Variants in ELK3 observed in about 807,000 individuals in gnomAD.
ELK3 encodes the protein ETS transcription factor ELK3.
A neutral mutation model predicts 28.9 loss-of-function variants in ELK3; 10 were observed. That is an observed-to-expected ratio of 0.35 (90% CI 0.21 to 0.59). The LOEUF (loss-of-function observed/expected upper bound fraction) is 0.59, where lower values mean the gene tolerates loss of function less well. ELK3 is among the 20% of genes least tolerant of loss of function. The pLI, the probability that ELK3 is intolerant of heterozygous loss-of-function variation, is 0.82. For synonymous variants in ELK3, 272 were observed against 243.5 expected (o/e 1.12, Z -1.09); for missense variants, 463 against 517.3 (o/e 0.90, Z 1.02).
At chr12:96,233,942 G>C (rs546266841) in intron 2 of ELK3, among the ~76,000 whole-genome samples, 1 of 152,368 alleles carries the variant, frequency 6.6e-6, no homozygotes, top group South Asian at 2.1e-4. Flanking sequence ...CAGATGGTTG[G>C]AAGCATAACA....
chr12:96,262,289 G>A (rs112617578), intron 4 of ELK3, among the ~76,000 whole-genome samples: 30 of 152,086 alleles, frequency 2.0e-4, no homozygotes, highest in African/African-American at 6.3e-4. Context: ...AAATTGCTGC[G>A]ATTACAGGTG....
At chr12:96,244,195 T>A (rs1392777395) in intron 2 of ELK3, among the ~76,000 whole-genome samples, 1 of 152,132 alleles carries the variant, frequency 6.6e-6, no homozygotes, top group Non-Finnish European at 1.5e-5. Flanking sequence ...CTGGATAATA[T>A]TCCATTGTAA....
chr12:96,195,296 C>G (rs752335804), intron 1 of ELK3, among the ~76,000 whole-genome samples: 2 of 152,222 alleles, frequency 1.3e-5, no homozygotes, highest in Non-Finnish European at 2.9e-5. Context: ...GCTGCGTCCA[C>G]TCTCGCTTGG....
chr12:96,202,616 A>T (rs922999576), intron 1 of ELK3, among the ~76,000 whole-genome samples: 1 of 142,430 alleles, frequency 7.0e-6, no homozygotes, highest in Non-Finnish European at 1.5e-5. Flanking sequence ...AACCTCCACC[A>T]TGTGGGTTCA....
intron 1 of ELK3, among the ~76,000 whole-genome samples, chr12:96,203,765 A>C (rs1277966933): frequency 6.6e-6 from 1 of 152,128 alleles, no homozygotes; most frequent in Non-Finnish European, 1.5e-5. Flanking sequence ...ACATGGTGAA[A>C]CCCAATCTCT....
rs1236042592 is a variant in ELK3, at chr12:96,268,911, AAAT to A, written c.*1736_*1738del. The A allele has an allele frequency of 1.3e-5, 2 of 152,218 alleles. No homozygotes were observed. Among genetic ancestry groups the A allele is most frequent in the African/African-American group, 4.8e-5 (2 of 41,440 alleles). The allele number at this position is 152,218 out of a possible 1,614,324, so 9.4% of individuals were successfully genotyped here. A position where few individuals can be genotyped will look rare whatever the true frequency, so the allele number is the denominator to read the frequency against. ...TAATGACACTGGTTCCAAAATTCAC[AAAT>A]AATAGACACTACTGTCCCCCCACCC... is the stretch of plus-strand genomic sequence containing the variant. On this transcript the variant is annotated 3_prime_UTR_variant, in exon 5 of 5. Coordinates refer to ENST00000228741, the MANE Select transcript of ELK3 (RefSeq NM_005230.4).
chr12:96,200,708 G>A (rs1951502660), intron 1 of ELK3, among the ~76,000 whole-genome samples: 1 of 152,152 alleles, frequency 6.6e-6, no homozygotes, highest in Non-Finnish European at 1.5e-5. Flanking sequence ...TGTTGCCCAG[G>A]CTGGAGTGCA....
In ELK3 at chr12:96,217,308, C is replaced by T. The variant is rs12313096; in HGVS notation, c.-2-6257C>T. Among the ~76,000 whole-genome samples the T allele has an allele frequency of 1.5e-3, 232 of 152,326 alleles. 1 individual carries two copies. The highest frequency in any genetic ancestry group is 5.2e-3 in the African/African-American group (215 of 41,584). ...CATTCTTGACTCTAGAGAAGACTCC[C>T]TCCGGATGATGTGATTCTGATTTTT... On this transcript the variant is annotated intron_variant, in intron 1 of 4. Coordinates refer to ENST00000228741, the MANE Select transcript of ELK3 (RefSeq NM_005230.4).
At chr12:96,222,533 T>G (rs1951669798) in intron 1 of ELK3, among the ~76,000 whole-genome samples, 1 of 152,144 alleles carries the variant, frequency 6.6e-6, no homozygotes, top group Non-Finnish European at 1.5e-5. Flanking sequence ...GATTGTTCGG[T>G]TTCACAAGCA....
At chr12:96,197,538 TTCTC>T (rs1322114987) in intron 1 of ELK3, among the ~76,000 whole-genome samples, 1 of 152,106 alleles carries the variant, frequency 6.6e-6, no homozygotes, top group Admixed American at 6.6e-5. Flanking sequence ...AATTTTCTCT[TTCTC>T]TTTTTGGTCA....
At chr12:96,203,319 C>T (rs562569186) in intron 1 of ELK3, among the ~76,000 whole-genome samples, 14 of 152,166 alleles carry the variant, frequency 9.2e-5, no homozygotes, top group Non-Finnish European at 8.8e-5. Flanking sequence ...AGTTACTGTC[C>T]GTAACTGCGG....
At chr12:96,260,349 T>A (rs1392425029) in intron 4 of ELK3, among the ~76,000 whole-genome samples, 2 of 152,184 alleles carry the variant, frequency 1.3e-5, no homozygotes, top group African/African-American at 4.8e-5. Flanking sequence ...ATATTAATCC[T>A]CCTAGTTAAT....
intron 1 of ELK3, among the ~76,000 whole-genome samples, chr12:96,197,604 C>G (rs142201039): frequency 0.012 from 1,801 of 152,074 alleles, 24 homozygotes; most frequent in Non-Finnish European, 0.02. Context: ...TGATGGTGTA[C>G]CCTTTATGTC....
chr12:96,219,093 A>C (rs1951643963), intron 1 of ELK3, among the ~76,000 whole-genome samples: 1 of 152,240 alleles, frequency 6.6e-6, no homozygotes, highest in South Asian at 2.1e-4. Context: ...AACTTAGAGC[A>C]GGCCTCCATG....
At chr12:96,196,425 G>C (rs1951468485) in intron 1 of ELK3, among the ~76,000 whole-genome samples, 1 of 152,162 alleles carries the variant, frequency 6.6e-6, no homozygotes, top group Admixed American at 6.5e-5. Flanking sequence ...TGGGGGTGGG[G>C]GGGGTGTGGA....
rs76204529 is a variant in ELK3, at chr12:96,230,299, A to G, written c.207+6526A>G. 7.1e-3 allele frequency among the ~76,000 whole-genome samples: 1,084 copies of G among 152,354 alleles called. 9 individuals carry two copies. Among genetic ancestry groups the G allele is most frequent in the African/African-American group, 0.024 (1,001 of 41,580 alleles). On this transcript the variant is annotated intron_variant, in intron 2 of 4. Coordinates refer to ENST00000228741, the MANE Select transcript of ELK3 (RefSeq NM_005230.4). The stretch of plus-strand genomic sequence containing the variant: ...TACATGCTATGATGCTCGCACAACA[A>G]CGAAATTCCCCAGCGACACATTTCT...
chr12:96,245,232 G>A (rs529093677), intron 2 of ELK3, among the ~76,000 whole-genome samples: 22 of 152,306 alleles, frequency 1.4e-4, no homozygotes, highest in South Asian at 1.2e-3. Flanking sequence ...AAGGATGGCA[G>A]GCAAACACAT....
At chr12:96,213,781 A>G (rs1951591951) in intron 1 of ELK3, 1 of 152,050 alleles carries the variant, frequency 6.6e-6, no homozygotes, top group South Asian at 2.1e-4. Context: ...GCTGGGGTGC[A>G]GTGATGTGAT....
intron 1 of ELK3, among the ~76,000 whole-genome samples, chr12:96,219,435 C>T (rs1431036000): frequency 6.6e-6 from 1 of 152,112 alleles, no homozygotes; most frequent in African/African-American, 2.4e-5. Context: ...TTCCAACACC[C>T]CAGAGGGCAA....
Sources: allele counts gnomAD v4.1 joint callset (sites outside exome capture counted in the v4.1 genomes callset), GRCh38; gene constraint gnomAD v4.1.1; transcripts MANE v1.5; gene names NCBI Gene and HGNC (gene_info 2026-07-23, HGNC 2026-07-21).